The following ATG10 variants were observed in gnomAD, a reference collection of about 807,000 sequenced individuals.
ATG10 encodes autophagy related 10, also known as ubiquitin-like-conjugating enzyme ATG10.
Under a neutral mutation model 32.1 loss-of-function variants are expected in ATG10, and 30 were observed. That is an observed-to-expected ratio of 0.94 (90% CI 0.70 to 1.27). The LOEUF (loss-of-function observed/expected upper bound fraction) is 1.27, where lower values mean the gene tolerates loss of function less well. Among genes scored for constraint, ATG10 ranks in the 50% most tolerant of loss-of-function variants. The probability of loss-of-function intolerance (pLI) is 0.00; values close to 1 mark genes in which losing one functional copy is unlikely to be tolerated. For synonymous variants in ATG10, 87 were observed against 91.5 expected (o/e 0.95, Z 0.28); for missense variants, 233 against 262.3 (o/e 0.89, Z 0.77).
intron 2 of ATG10, among the ~76,000 whole-genome samples, chr5:82,015,640 T>A (rs1762263525): frequency 6.6e-6 from 1 of 152,224 alleles, no homozygotes; most frequent in Non-Finnish European, 1.5e-5. Flanking sequence ...GCTTGTGCAT[T>A]CATCATATAG....
intron 3 of ATG10, among the ~76,000 whole-genome samples, chr5:82,159,087 G>A (rs895333825): frequency 6.6e-6 from 1 of 152,126 alleles, no homozygotes; most frequent in African/African-American, 2.4e-5. Context: ...GTGCCTTGGG[G>A]CTGTTATTAC....
chr5:82,083,806 A>C (rs2149785213), intron 3 of ATG10, among the ~76,000 whole-genome samples: 1 of 152,330 alleles, frequency 6.6e-6, no homozygotes, highest in Admixed American at 6.5e-5. Flanking sequence ...GGACATCCAC[A>C]CCAAAACCCC....
At chr5:82,031,074 T>G (rs532814652) in intron 2 of ATG10, among the ~76,000 whole-genome samples, 2 of 152,242 alleles carry the variant, frequency 1.3e-5, no homozygotes, top group Admixed American at 1.3e-4. Context: ...TCTTATTTTA[T>G]TTTTATTTTT....
At chr5:82,139,010 G>A (rs1386129413) in intron 3 of ATG10, among the ~76,000 whole-genome samples, 2 of 150,686 alleles carry the variant, frequency 1.3e-5, no homozygotes, top group East Asian at 2.0e-4. Flanking sequence ...GCGCCGCCAC[G>A]CCTGACTGGT....
chr5:82,228,410 G>A lies in ATG10; in HGVS notation c.454-24152G>A, dbSNP rs145839988. 3.2e-3 allele frequency among the ~76,000 whole-genome samples: 492 copies of A among 152,084 alleles called. 1 individual carries two copies. Among genetic ancestry groups the A allele is most frequent in the African/African-American group, 0.011 (468 of 41,478 alleles). On this transcript the variant is annotated intron_variant, in intron 5 of 7. Transcript: ENST00000282185. ...CATCTAAGTTAACATAGAACAAAAT[G>A]GCCACAGGAAATTTTAAAACATAAA...
chr5:82,199,608 T>G (rs1312234445), intron 5 of ATG10, among the ~76,000 whole-genome samples: 2 of 152,228 alleles, frequency 1.3e-5, no homozygotes, highest in Non-Finnish European at 1.5e-5. Context: ...CTCTACCTTT[T>G]AACTATTAAA....
intron 5 of ATG10, among the ~76,000 whole-genome samples, chr5:82,181,919 C>T (rs1000640158): frequency 2.6e-5 from 4 of 152,040 alleles, no homozygotes; most frequent in African/African-American, 9.7e-5. Context: ...GATTACTTAC[C>T]TGCTTTTGCC....
Position 82,252,608 on chromosome 5 carries a change from A to G in ATG10, c.500A>G (p.Lys167Arg), listed in dbSNP as rs762439053. The G allele has an allele frequency of 1.9e-6, 3 of 1,608,432 alleles. No individual in the cohort carries two copies. Among genetic ancestry groups the G allele is most frequent in the Non-Finnish European group, 2.5e-6 (3 of 1,177,672 alleles). ...CCCTTTTTTGTACTTCATCCCTGCAAGACGAATGAATTCATGACTCCTGTA... is the reference window on the plus strand; with the variant it reads ...CCCTTTTTTGTACTTCATCCCTGCAGGACGAATGAATTCATGACTCCTGTA... ...GQPFFVLHPC[K>R]TNEFMTPVLK... is the part of the protein sequence containing the mutation. The change falls in exon 6 of 8, where the codon AAG becomes AGG. Residue 167 changes from lysine (K) to arginine (R), a missense_variant. By Grantham distance (26) the Lys-to-Arg change is conservative (BLOSUM62 2). Coordinates refer to ENST00000282185, the MANE Select transcript of ATG10 (RefSeq NM_031482.5).
chr5:82,235,130 A>T (rs1038230533), intron 5 of ATG10, among the ~76,000 whole-genome samples: 14 of 152,058 alleles, frequency 9.2e-5, no homozygotes, highest in African/African-American at 2.9e-4. Flanking sequence ...GTCAGAAACC[A>T]CGTGCCTTGT....
chr5:82,196,210 C>G (rs760006885), intron 5 of ATG10, among the ~76,000 whole-genome samples: 1 of 151,962 alleles, frequency 6.6e-6, no homozygotes, highest in Non-Finnish European at 1.5e-5. Flanking sequence ...ATACTCAAAT[C>G]CTTTGTGCAC....
chr5:82,162,691 GGT>G (rs1394596935), intron 3 of ATG10, among the ~76,000 whole-genome samples: 1 of 152,060 alleles, frequency 6.6e-6, no homozygotes, highest in Non-Finnish European at 1.5e-5. Flanking sequence ...CAGCAACTAT[GGT>G]GTGGTCATGC....
chr5:82,025,144 A>G (rs1762558161), intron 2 of ATG10, among the ~76,000 whole-genome samples: 2 of 152,260 alleles, frequency 1.3e-5, no homozygotes, highest in African/African-American at 2.4e-5. Context: ...GCTTAGTGCT[A>G]CTAAAAATCA....
At chr5:82,087,660 C>T (rs1009380789) in intron 3 of ATG10, among the ~76,000 whole-genome samples, 7 of 152,106 alleles carry the variant, frequency 4.6e-5, no homozygotes, top group Admixed American at 6.6e-5. Flanking sequence ...TTCCCCTATC[C>T]ACCCCAACTG....
At chr5:82,151,477 G>A (rs1305110118) in intron 3 of ATG10, among the ~76,000 whole-genome samples, 2 of 152,214 alleles carry the variant, frequency 1.3e-5, no homozygotes, top group East Asian at 3.8e-4. Flanking sequence ...GGAGCTATCA[G>A]TGATGTTTTC....
intron 2 of ATG10, among the ~76,000 whole-genome samples, chr5:82,016,618 A>C (rs1032738098): frequency 1.3e-5 from 2 of 151,742 alleles, no homozygotes; most frequent in Admixed American, 1.3e-4. Context: ...TCTGTAAAGA[A>C]TGATGGTGGT....
chr5:82,022,267 A>G (rs1288635351), intron 2 of ATG10, among the ~76,000 whole-genome samples: 1 of 151,948 alleles, frequency 6.6e-6, no homozygotes, highest in Non-Finnish European at 1.5e-5. Flanking sequence ...GGATGTATAT[A>G]CGTATTTTAA....
At chr5:82,105,796 G>A (rs764950717) in intron 3 of ATG10, among the ~76,000 whole-genome samples, 3 of 152,036 alleles carry the variant, frequency 2.0e-5, no homozygotes, top group African/African-American at 4.8e-5. Context: ...CAAGAATCTC[G>A]GCACAAGAAT....
intron 5 of ATG10, among the ~76,000 whole-genome samples, chr5:82,230,526 G>A (rs562109759): frequency 6.6e-6 from 1 of 152,126 alleles, no homozygotes; most frequent in East Asian, 1.9e-4. Flanking sequence ...GAGGTCAAGA[G>A]ATGGAAACCA....
At position 82,118,326 on chromosome 5, in the gene ATG10, A is replaced by G. The variant is rs531193682; in HGVS notation, c.217-46073A>G. Among the ~76,000 whole-genome samples the G allele has an allele frequency of 2.2e-3, 324 of 144,530 alleles. 2 individuals are homozygous for G. Among genetic ancestry groups the G allele is most frequent in the African/African-American group, 7.9e-3 (310 of 39,256 alleles). The allele number at this position is 144,530 out of a possible 152,430, so 94.8% of individuals were successfully genotyped here. On this transcript the variant is annotated intron_variant, in intron 3 of 7. Coordinates refer to ENST00000282185, the MANE Select transcript of ATG10 (RefSeq NM_031482.5). ...TGTGTGTGTGTGTGTGTATATATAT[A>G]TACACACAAATATACATATAATATA... is the stretch of plus-strand genomic sequence containing the variant.
Sources: allele counts gnomAD v4.1 joint callset (sites outside exome capture counted in the v4.1 genomes callset), GRCh38; gene constraint gnomAD v4.1.1; transcripts MANE v1.5; gene names NCBI Gene and HGNC (gene_info 2026-07-23, HGNC 2026-07-21).